PNISR: variants seen among roughly 807,000 people sequenced by gnomAD.
The protein encoded by PNISR is arginine/serine-rich protein PNISR.
In PNISR, 20 loss-of-function variants were observed where a neutral mutation model predicts 93.4. That is an observed-to-expected ratio of 0.21 (90% CI 0.15 to 0.31). The LOEUF is 0.31. Ranked by LOEUF, PNISR falls within the 10% of genes least tolerant of loss-of-function variation. The pLI, the probability that PNISR is intolerant of heterozygous loss-of-function variation, is 1.00. For missense variants in PNISR, 893 were observed against 985.4 expected (o/e 0.91, Z 1.25); for synonymous variants, 305 against 306.5 (o/e 0.99, Z 0.05).
chr6:99,402,322 T>G (rs906852832), intron 11 of PNISR, among the ~76,000 whole-genome samples: 1 of 152,216 alleles, frequency 6.6e-6, no homozygotes. Context: ...TTCAAGACTT[T>G]TAGCAAGAAA....
chr6:99,401,117 C>T lies in PNISR; in HGVS notation c.1841G>A (p.Arg614Gln), dbSNP rs371381090. The change falls in exon 12 of 12, where the codon CGA (arginine) becomes CAA (glutamine). Residue 614 changes from arginine to glutamine, a missense_variant. Arg to Gln is a conservative substitution (Grantham distance 43). Coordinates refer to ENST00000369239, the MANE Select transcript of PNISR (RefSeq NM_032870.4). ...GCGACTTCTACTTCTACGTCTCTCT[C>T]GGGAAGGACTCCGATTTCGTCGTCT... ...RERRRNRSPS[R>Q]ERRRSRSRSR... 3.7e-5 allele frequency: 60 copies of T among 1,613,782 alleles called. No individual in the cohort carries two copies. Among genetic ancestry groups the T allele is most frequent in the South Asian group, 4.4e-5 (4 of 91,076 alleles).
chr6:99,402,460 C>T, intron 11 of PNISR, 80 bp downstream of exon 11: 3 of 1,007,352 alleles, frequency 3.0e-6, no homozygotes, highest in Non-Finnish European at 4.3e-6. Context: ...TTATTTTATC[C>T]TTTGATATTT....
chr6:99,404,789 T>A (rs1305948704), intron 8 of PNISR, 87 bp from the exon 9 acceptor site: 2 of 599,376 alleles, frequency 3.3e-6, no homozygotes, highest in Non-Finnish European at 2.9e-6. Flanking sequence ...TGCAAAGCCA[T>A]TTTTTTTTTC....
At chr6:99,417,237 G>A (rs1279198755) in intron 1 of PNISR, among the ~76,000 whole-genome samples, 1 of 152,174 alleles carries the variant, frequency 6.6e-6, no homozygotes, top group Non-Finnish European at 1.5e-5. Flanking sequence ...TGAAAATGAT[G>A]TATAATGACT....
At position 99,402,329 on chromosome 6, in the gene PNISR, G is replaced by T. The variant is rs150018706; in HGVS notation, c.1327+211C>A. On this transcript the variant is annotated intron_variant, in intron 11 of 11. Transcript: ENST00000369239. Reference sequence around the variant, plus strand: ...TTTTTCATTTCAAGACTTTTAGCAAGAAATAAAAATACCCTAAATAGCTTG... The same window carrying T: ...TTTTTCATTTCAAGACTTTTAGCAATAAATAAAAATACCCTAAATAGCTTG... 1.5e-4 allele frequency among the ~76,000 whole-genome samples: 23 copies of T among 152,086 alleles called. No individual in the cohort carries two copies. The East Asian group carries it at 3.9e-3, about 26-fold the overall frequency.
rs757585323 is a variant in PNISR, at chr6:99,400,691, G to C, written c.2267C>G (p.Ser756Cys). 6.8e-6 allele frequency: 11 copies of C among 1,613,468 alleles called. 1 individual carries two copies. In the South Asian group the frequency reaches 1.1e-4, roughly 16 times the overall value. ...KDSKKHSGSD[S>C]SGRSSSESPG... Reference sequence around the variant, plus strand: ...AGACTCAGAACTGCTCCTTCCACTAGAATCAGAGCCTGAATGTTTTTTACT... The same window carrying C: ...AGACTCAGAACTGCTCCTTCCACTACAATCAGAGCCTGAATGTTTTTTACT... The change falls in exon 12 of 12, where the codon TCT (serine) becomes TGT (cysteine). Residue 756 changes from serine (S) to cysteine (C), a missense_variant. Transcript: ENST00000369239.
chr6:99,425,296 A>G lies in PNISR; in HGVS notation c.-193T>C. The G allele has an allele frequency of 8.1e-7, 1 of 1,232,112 alleles. No homozygotes were observed. Among genetic ancestry groups the G allele is most frequent in the Non-Finnish European group, 1.0e-6 (1 of 987,916 alleles). The allele number at this position is 1,232,112 out of a possible 1,614,324, so 76.3% of individuals were successfully genotyped here. On this transcript the variant is annotated 5_prime_UTR_variant, in exon 1 of 12. Coordinates refer to ENST00000369239, the MANE Select transcript of PNISR (RefSeq NM_032870.4). ...CTTTCGATGCTTCTACTTCTTCGGG[A>G]ACAAGACAAGATGGCGCCCGATTTG...
intron 7 of PNISR, among the ~76,000 whole-genome samples, chr6:99,407,656 G>A (rs1776333130): frequency 6.6e-6 from 1 of 152,184 alleles, no homozygotes; most frequent in Non-Finnish European, 1.5e-5. Flanking sequence ...AGGAAGATTT[G>A]AAGACTTAAA....
Position 99,416,437 on chromosome 6 carries a change from A to T in PNISR, c.-111-9T>A. The T allele has an allele frequency of 1.9e-6, 2 of 1,062,072 alleles. No homozygotes were observed. The highest frequency in any genetic ancestry group is 2.4e-6 in the Non-Finnish European group (2 of 833,412). 65.8% of individuals were successfully genotyped at this position (1,062,072 alleles called of 1,614,324 possible). A position where few individuals can be genotyped will look rare whatever the true frequency, so the allele number is the denominator to read the frequency against. The stretch of plus-strand genomic sequence containing the variant: ...GCAAGATTATGTATGCCCTAGGGGG[A>T]AAAAAAGTAGATGTCTGCTTATAGA... On this transcript the variant is annotated splice_polypyrimidine_tract_variant and intron_variant, in intron 1 of 11. Coordinates refer to ENST00000369239, the MANE Select transcript of PNISR (RefSeq NM_032870.4).
At position 99,416,816 on chromosome 6, in the gene PNISR, C is replaced by G. The variant is rs544948867; in HGVS notation, c.-111-388G>C. Among the ~76,000 whole-genome samples the G allele has an allele frequency of 8.5e-5, 13 of 152,254 alleles. No homozygotes were observed. The East Asian group carries it at 2.3e-3, about 27-fold the overall frequency. On this transcript the variant is annotated intron_variant, in intron 1 of 11. Transcript: ENST00000369239. Reference sequence around the variant, plus strand: ...TTAATTTAAATTTTCCTATAGAATTCTATGTTTAGAAATTAACATTAGCAA... The same window carrying G: ...TTAATTTAAATTTTCCTATAGAATTGTATGTTTAGAAATTAACATTAGCAA...
intron 9 of PNISR, 86 bp from the exon 10 acceptor site, chr6:99,403,968 T>C: frequency 1.1e-6 from 1 of 873,786 alleles, no homozygotes; most frequent in East Asian, 2.5e-5. Flanking sequence ...TTGTTAAATC[T>C]ACTACTATTG....
At chr6:99,406,562 C>T (rs565597009) in intron 7 of PNISR, among the ~76,000 whole-genome samples, 2 of 152,202 alleles carry the variant, frequency 1.3e-5, no homozygotes, top group East Asian at 3.9e-4. Context: ...TTCAGTATAA[C>T]TTTTACAGCT....
In PNISR at chr6:99,398,337, G is replaced by T. The variant is rs1043945916; in HGVS notation, c.*2203C>A. On this transcript the variant is annotated 3_prime_UTR_variant, in exon 12 of 12. Transcript: ENST00000369239. ...AATTATACATCTAATTAACTTATGTGTAAGTTTTTGCATTCACATCCTAAA... is the reference window on the plus strand; with the variant it reads ...AATTATACATCTAATTAACTTATGTTTAAGTTTTTGCATTCACATCCTAAA... The T allele has an allele frequency of 6.6e-6, 1 of 152,040 alleles. No homozygotes were observed. Among genetic ancestry groups the T allele is most frequent in the Non-Finnish European group, 1.5e-5 (1 of 67,960 alleles). The allele number at this position is 152,040 out of a possible 1,614,324, so 9.4% of individuals were successfully genotyped here. A position where few individuals can be genotyped will look rare whatever the true frequency, so the allele number is the denominator to read the frequency against.
At chr6:99,406,611 A>C (rs150107462) in intron 7 of PNISR, among the ~76,000 whole-genome samples, 1 of 152,334 alleles carries the variant, frequency 6.6e-6, no homozygotes, top group East Asian at 1.9e-4. Context: ...CACGACTTAA[A>C]ATGAAAAATC....
Position 99,412,510 on chromosome 6 carries a change from T to G in PNISR, c.277+41A>C, listed in dbSNP as rs76251961. The G allele has an allele frequency of 1.9e-3, 2,617 of 1,391,120 alleles. 37 individuals are homozygous for G. The African/African-American group carries it at 0.025, about 13-fold the overall frequency. 86.2% of individuals were successfully genotyped at this position (1,391,120 alleles called of 1,614,324 possible). ...AATTTAATAATAATCTTCATTCTGT[T>G]TTTTAAAAGTCTTAAAATTGTGAAA... On this transcript the variant is annotated intron_variant, in intron 4 of 11. Coordinates refer to ENST00000369239, the MANE Select transcript of PNISR (RefSeq NM_032870.4).
intron 1 of PNISR, among the ~76,000 whole-genome samples, chr6:99,419,131 T>G (rs1778150312): frequency 9.4e-6 from 1 of 106,884 alleles, no homozygotes; most frequent in Non-Finnish European, 1.7e-5. Flanking sequence ...CCAGCCTGGG[T>G]GCCAGAGCGA....
In PNISR at chr6:99,400,900, A is replaced by C. The variant is rs367547152; in HGVS notation, c.2058T>G (p.Arg686=). 1.9e-6 allele frequency: 3 copies of C among 1,571,976 alleles called. No individual in the cohort carries two copies. The African/African-American group carries it at 4.1e-5, about 21-fold the overall frequency. Residue 686 remains arginine (R), a synonymous_variant, in exon 12 of 12, where the codon CGT becomes CGG. Coordinates refer to ENST00000369239, the MANE Select transcript of PNISR (RefSeq NM_032870.4). The part of the protein sequence containing the change: ...DRKKKDKERE[R]EQDKRKEKQK... ...GTTTCTCTTTTCTTTTATCCTGTTC[A>C]CGTTCCCTTTCTTTGTCTTTCTTTT...
chr6:99,421,990 C>G (rs936943024), intron 1 of PNISR, among the ~76,000 whole-genome samples: 2 of 152,030 alleles, frequency 1.3e-5, no homozygotes, highest in Non-Finnish European at 2.9e-5. Context: ...CTCAGCCTCC[C>G]GAGTAGCTGG....
rs749501864 is a variant in PNISR, at chr6:99,410,931, G to A, written c.311C>T (p.Pro104Leu). The A allele has an allele frequency of 3.1e-6, 5 of 1,613,534 alleles. No individual in the cohort carries two copies. Among genetic ancestry groups the A allele is most frequent in the South Asian group, 1.1e-5 (1 of 91,042 alleles). The change falls in exon 5 of 12, where the codon CCT (proline) becomes CTT (leucine). Residue 104 changes from proline to leucine, a missense_variant. Physicochemically the swap from Pro to Leu is moderately conservative, Grantham distance 98. Coordinates refer to ENST00000369239, the MANE Select transcript of PNISR (RefSeq NM_032870.4). ...WGMHQQPPHP[P>L]PDQPWMPPTP... is the part of the protein sequence containing the mutation. ...TGGTGGCATCCATGGCTGATCTGGA[G>A]GGGGGTGTGGGGGTTGCTGATGCAT...
Sources: allele counts gnomAD v4.1 joint callset (sites outside exome capture counted in the v4.1 genomes callset), GRCh38; gene constraint gnomAD v4.1.1; transcripts MANE v1.5; gene names NCBI Gene and HGNC (gene_info 2026-07-23, HGNC 2026-07-21).